Variants in JADE1 observed in about 807,000 individuals in gnomAD.
The protein encoded by JADE1 is jade family PHD finger 1.
JADE1 carries 14 observed loss-of-function variants against 81.8 expected under a neutral mutation model. The ratio of observed to expected loss-of-function variants is 0.17; its 90% confidence interval spans 0.11 to 0.27. JADE1 has a LOEUF of 0.27. JADE1 is among the 10% of genes least tolerant of loss of function. JADE1 has a pLI of 1.00. For synonymous variants in JADE1, 353 were observed against 391.9 expected (o/e 0.90, Z 1.17); for missense variants, 690 against 1,047.9 (o/e 0.66, Z 4.71).
At chr4:128,852,304 G>A in intron 6 of JADE1, 36 bp downstream of exon 6, 1 of 1,562,612 alleles carries the variant, frequency 6.4e-7, no homozygotes, top group South Asian at 1.1e-5. Flanking sequence ...GAAGAAACCT[G>A]GGGCATGAGC....
At position 128,850,013 on chromosome 4, in the gene JADE1, G is replaced by A. The variant is rs141817479; in HGVS notation, c.484+846G>A. 1.5e-3 allele frequency among the ~76,000 whole-genome samples: 235 copies of A among 152,208 alleles called. 3 individuals carry two copies. Among genetic ancestry groups the A allele is most frequent in the East Asian group, 0.014 (72 of 5,174 alleles). On this transcript the variant is annotated intron_variant, in intron 5 of 10. Coordinates refer to ENST00000226319, the MANE Select transcript of JADE1 (RefSeq NM_199320.4). ...GACATAGTAAATAATCACAAGATCG[G>A]CCGGGCTTGTTGGCTCATGTCTGTA...
At chr4:128,833,761 A>C (rs544089382) in intron 2 of JADE1, among the ~76,000 whole-genome samples, 2 of 152,316 alleles carry the variant, frequency 1.3e-5, no homozygotes, top group African/African-American at 4.8e-5. Context: ...CCTCCATATA[A>C]AGATAATGCC....
At chr4:128,851,503 T>A (rs1280455330) in intron 5 of JADE1, among the ~76,000 whole-genome samples, 4 of 152,214 alleles carry the variant, frequency 2.6e-5, no homozygotes, top group Admixed American at 1.3e-4. Flanking sequence ...CTTTTAAAAT[T>A]TACCTTTTGC....
At position 128,861,641 on chromosome 4, in the gene JADE1, A is replaced by G. The variant is rs112482863; in HGVS notation, c.982-63A>G. 7,836 of 1,554,658 alleles carry G rather than the reference A, an allele frequency of 5.0e-3. 219 individuals are homozygous for G. The African/African-American group carries it at 0.075, about 15-fold the overall frequency. On this transcript the variant is annotated intron_variant, in intron 8 of 10. Coordinates refer to ENST00000226319, the MANE Select transcript of JADE1 (RefSeq NM_199320.4). ...GTGTACATGGGGTGCCTAGCACTGCAGGCCTTCTGCCATCATTGCTCTATA... is the reference window on the plus strand; with the variant it reads ...GTGTACATGGGGTGCCTAGCACTGCGGGCCTTCTGCCATCATTGCTCTATA...
intron 7 of JADE1, among the ~76,000 whole-genome samples, chr4:128,856,916 G>GT (rs1031308661): frequency 6.6e-6 from 1 of 152,086 alleles, no homozygotes; most frequent in African/African-American, 2.4e-5. Flanking sequence ...GAAGAAAATG[G>GT]TTTTTTTTGG....
chr4:128,814,800 T>TGATC (rs59324471), intron 1 of JADE1, among the ~76,000 whole-genome samples: 1,916 of 152,158 alleles, frequency 0.013, 24 homozygotes, highest in African/African-American at 0.037. Context: ...TGACCTCAGG[T>TGATC]GATCCACCTG....
chr4:128,871,396 C>G lies in JADE1; in HGVS notation c.1663C>G (p.Leu555Val). 2 of 1,614,010 alleles carry G rather than the reference C, an allele frequency of 1.2e-6. No homozygotes were observed. The highest frequency in any genetic ancestry group is 1.3e-5 in the African/African-American group (1 of 75,060). The change falls in exon 11 of 11, where the codon CTT (leucine) becomes GTT (valine). Residue 555 changes from leucine (L) to valine (V), a missense_variant. Physicochemically the swap from Leu to Val is conservative, Grantham distance 32. This residue lies in a region of JADE1 where 86 missense variants were observed against 95.4 expected (regional missense o/e 0.90). Transcript: ENST00000226319. This position sits in a 1 kb window ranked among gnomAD's most constrained non-coding sequence, Gnocchi z 4.1. ...SCSSSSLENM[L>V]LFNSPSVGPD... is the part of the protein sequence containing the mutation. ...CTCCTCCTCCTCACTGGAAAACATG[C>G]TTTTGTTTAACAGTCCTTCTGTTGG...
intron 6 of JADE1, 65 bp downstream of exon 6, chr4:128,852,333 T>TATGCCTGGAGTCC (rs1730425928): frequency 1.5e-6 from 2 of 1,324,836 alleles, no homozygotes; most frequent in Admixed American, 3.4e-5. Flanking sequence ...TGTGGGAGTG[T>TATGCCTGGAGTCC]ATGCCTGGAG....
At chr4:128,838,360 G>A (rs1454878392) in intron 2 of JADE1, among the ~76,000 whole-genome samples, 1 of 152,074 alleles carries the variant, frequency 6.6e-6, no homozygotes, top group Non-Finnish European at 1.5e-5. Flanking sequence ...TTAACTTTAG[G>A]TAATAATTTT....
chr4:128,872,391 T>C lies in JADE1; in HGVS notation c.*129T>C. ...CAAACACATTTACTTGCAATTCAGA[T>C]TAATTTTTTTCCAGAGTCATTTTTA... On this transcript the variant is annotated 3_prime_UTR_variant, in exon 11 of 11. Transcript: ENST00000226319. 1 of 786,886 alleles carries C rather than the reference T, an allele frequency of 1.3e-6. No homozygotes were observed. The allele number at this position is 786,886 out of a possible 1,614,324, so 48.7% of individuals were successfully genotyped here.
At chr4:128,852,399 C>T in intron 6 of JADE1, 131 bp downstream of exon 6, 1 of 685,954 alleles carries the variant, frequency 1.5e-6, no homozygotes, top group Non-Finnish European at 2.5e-6. Context: ...AGAAATGTGC[C>T]CTATAGACTT....
At chr4:128,814,210 A>T (rs911490944) in intron 1 of JADE1, among the ~76,000 whole-genome samples, 1 of 152,168 alleles carries the variant, frequency 6.6e-6, no homozygotes, top group African/African-American at 2.4e-5. Flanking sequence ...GAGAAAACCT[A>T]TTGGAGTTTG....
chr4:128,862,638 C>A (rs1405068290), intron 9 of JADE1: 6 of 1,019,070 alleles, frequency 5.9e-6, no homozygotes, highest in Non-Finnish European at 7.1e-6. Flanking sequence ...ATGGAGGGGG[C>A]CAGAGATGGG....
intron 8 of JADE1, among the ~76,000 whole-genome samples, chr4:128,859,542 T>C (rs1011016396): frequency 8.0e-6 from 1 of 125,588 alleles, no homozygotes; most frequent in Non-Finnish European, 1.9e-5. Flanking sequence ...TGTGTATGCA[T>C]GCGTGTATAT....
intron 5 of JADE1, among the ~76,000 whole-genome samples, chr4:128,851,501 A>G (rs911319065): frequency 1.3e-5 from 2 of 152,196 alleles, no homozygotes; most frequent in Admixed American, 6.5e-5. Context: ...TCCTTTTAAA[A>G]TTTACCTTTT....
At chr4:128,848,583 C>T (rs1730076429) in intron 4 of JADE1, among the ~76,000 whole-genome samples, 1 of 152,106 alleles carries the variant, frequency 6.6e-6, no homozygotes, top group African/African-American at 2.4e-5. Flanking sequence ...GCCTGCCCTG[C>T]CTGTGTGGTG....
At position 128,871,989 on chromosome 4, in the gene JADE1, G is replaced by C; in HGVS notation, c.2256G>C (p.Arg752=). 6.2e-7 allele frequency: 1 copy of C among 1,613,968 alleles called. No homozygotes were observed. The highest frequency in any genetic ancestry group is 8.5e-7 in the Non-Finnish European group (1 of 1,179,920). Residue 752 remains arginine (R), a synonymous_variant, in exon 11 of 11, where the codon CGG becomes CGC. Coordinates refer to ENST00000226319, the MANE Select transcript of JADE1 (RefSeq NM_199320.4). This position sits in a 1 kb window ranked among gnomAD's most constrained non-coding sequence, Gnocchi z 4.1. Reference sequence around the variant, plus strand: ...CAGTGAAAAACTGGGGAGGATTCCGGATTCCAAAGAAGGGGGAACGGCAGC... The same window carrying C: ...CAGTGAAAAACTGGGGAGGATTCCGCATTCCAAAGAAGGGGGAACGGCAGC... ...ASPVKNWGGF[R]IPKKGERQQQ... is the part of the protein sequence containing the mutation.
Position 128,873,837 on chromosome 4 carries a change from T to G in JADE1, c.*1575T>G, listed in dbSNP as rs1176301314. The G allele has an allele frequency of 6.6e-6, 1 of 152,664 alleles. No individual in the cohort carries two copies. Among genetic ancestry groups the G allele is most frequent in the East Asian group, 1.9e-4 (1 of 5,200 alleles). The allele number at this position is 152,664 out of a possible 1,614,324, so 9.5% of individuals were successfully genotyped here. On this transcript the variant is annotated 3_prime_UTR_variant, in exon 11 of 11. Coordinates refer to ENST00000226319, the MANE Select transcript of JADE1 (RefSeq NM_199320.4). ...CTTTGAGGAGTTCTGCAGTTAACTTTCAAGTCTTCCAGATGATTGTCAACA... is the reference window on the plus strand; with the variant it reads ...CTTTGAGGAGTTCTGCAGTTAACTTGCAAGTCTTCCAGATGATTGTCAACA...
At chr4:128,848,181 T>G (rs1010942716) in intron 4 of JADE1, among the ~76,000 whole-genome samples, 1 of 151,834 alleles carries the variant, frequency 6.6e-6, no homozygotes, top group Admixed American at 6.6e-5. Flanking sequence ...TCTTATTTCC[T>G]TTTTTTTGTT....
Sources: allele counts gnomAD v4.1 joint callset (sites outside exome capture counted in the v4.1 genomes callset), GRCh38; gene constraint gnomAD v4.1.1; regional missense constraint gnomAD v4.1.1; non-coding constraint Gnocchi (gnomAD v3.1); transcripts MANE v1.5; gene names NCBI Gene and HGNC (gene_info 2026-07-23, HGNC 2026-07-21).